ASAH2: variants seen among roughly 807,000 people sequenced by gnomAD.
ASAH2 encodes N-acylsphingosine amidohydrolase 2, also known as neutral ceramidase.
In ASAH2, 58 loss-of-function variants were observed where a neutral mutation model predicts 82.9. The observed-to-expected ratio is 0.70, with a 90% CI of 0.57 to 0.87. ASAH2 has a LOEUF of 0.87. Ranked by LOEUF, ASAH2 falls within the 40% of genes least tolerant of loss-of-function variation. The pLI, the probability that ASAH2 is intolerant of heterozygous loss-of-function variation, is 0.00. For synonymous variants in ASAH2, 276 were observed against 289.7 expected (o/e 0.95, Z 0.48); for missense variants, 779 against 834.0 (o/e 0.93, Z 0.81).
intron 1 of ASAH2, among the ~76,000 whole-genome samples, chr10:50,249,217 G>C (rs188525882): frequency 1.3e-5 from 2 of 152,260 alleles, no homozygotes; most frequent in African/African-American, 4.8e-5. Context: ...ATGGAAAAGG[G>C]AATTAGTACC....
At chr10:50,211,922 A>G (rs1589331933) in intron 10 of ASAH2, among the ~76,000 whole-genome samples, 2 of 152,152 alleles carry the variant, frequency 1.3e-5, no homozygotes, top group East Asian at 3.9e-4. Flanking sequence ...AGAATGCAGA[A>G]TGTGGGTCAA....
chr10:50,213,576 C>A (rs1348603388), intron 9 of ASAH2, among the ~76,000 whole-genome samples: 2 of 151,976 alleles, frequency 1.3e-5, no homozygotes, highest in Non-Finnish European at 2.9e-5. Flanking sequence ...TAAGTGGAAT[C>A]AAAAAATTAC....
intron 6 of ASAH2, among the ~76,000 whole-genome samples, chr10:50,233,857 G>T (rs988463804): frequency 1.3e-5 from 2 of 151,934 alleles, no homozygotes; most frequent in Non-Finnish European, 2.9e-5. Flanking sequence ...AGACAAAAAG[G>T]CAAAATAATC....
chr10:50,246,264 C>T (rs1434939173), intron 2 of ASAH2, among the ~76,000 whole-genome samples: 1 of 152,080 alleles, frequency 6.6e-6, no homozygotes, highest in African/African-American at 2.4e-5. Flanking sequence ...CCTATTTCAC[C>T]CCAATGTTCT....
At chr10:50,210,442 G>A (rs1374947672) in intron 12 of ASAH2, among the ~76,000 whole-genome samples, 2 of 152,080 alleles carry the variant, frequency 1.3e-5, no homozygotes, top group African/African-American at 4.8e-5. Context: ...GGAGGTTGCA[G>A]TAAGCTGAGA....
At chr10:50,237,290 A>G (rs1164845120) in intron 4 of ASAH2, among the ~76,000 whole-genome samples, 1 of 152,178 alleles carries the variant, frequency 6.6e-6, no homozygotes, top group East Asian at 1.9e-4. Context: ...CCTGTGGAGA[A>G]GCCTAAGTGG....
At chr10:50,250,637 C>T (rs1325596561) in intron 1 of ASAH2, among the ~76,000 whole-genome samples, 1 of 152,194 alleles carries the variant, frequency 6.6e-6, no homozygotes, top group East Asian at 1.9e-4. Context: ...GTTCTCTAAG[C>T]CTTCCTACTA....
rs918587278 is a variant in ASAH2, at chr10:50,220,276, T to G, written c.894-1646A>C. On this transcript the variant is annotated intron_variant, in intron 7 of 20. Coordinates refer to ENST00000682911, the MANE Select transcript of ASAH2 (RefSeq NM_019893.4). Reference sequence around the variant, plus strand: ...TTTTAAAGTCTTTATCTGATGAAGATAAATACTGAAATATTTATGAGTGAA... The same window carrying G: ...TTTTAAAGTCTTTATCTGATGAAGAGAAATACTGAAATATTTATGAGTGAA... Among the ~76,000 whole-genome samples the G allele has an allele frequency of 3.8e-3, 574 of 152,312 alleles. 4 individuals carry two copies. Among genetic ancestry groups the G allele is most frequent in the African/African-American group, 0.013 (532 of 41,564 alleles).
chr10:50,249,688 T>A (rs2133238365), intron 1 of ASAH2, among the ~76,000 whole-genome samples: 1 of 152,360 alleles, frequency 6.6e-6, no homozygotes. Context: ...CTTCTTTTGT[T>A]CAATAAATGC....
intron 5 of ASAH2, among the ~76,000 whole-genome samples, chr10:50,235,278 A>G (rs1350075808): frequency 6.6e-6 from 1 of 152,118 alleles, no homozygotes; most frequent in Non-Finnish European, 1.5e-5. Context: ...GAAAAAATAG[A>G]GAATAAGCCT....
chr10:50,239,686 A>G (rs1214005908), intron 4 of ASAH2, among the ~76,000 whole-genome samples: 6 of 152,144 alleles, frequency 3.9e-5, no homozygotes, highest in African/African-American at 1.4e-4. Flanking sequence ...AAATGACATA[A>G]TAATAATACC....
At chr10:50,213,622 G>A (rs1845519694) in intron 9 of ASAH2, among the ~76,000 whole-genome samples, 1 of 152,138 alleles carries the variant, frequency 6.6e-6, no homozygotes, top group South Asian at 2.1e-4. Flanking sequence ...TTTGTAGTAT[G>A]AGGGTGTGGG....
At chr10:50,209,714 TA>T (rs1224080253) in intron 12 of ASAH2, among the ~76,000 whole-genome samples, 3 of 152,092 alleles carry the variant, frequency 2.0e-5, no homozygotes, top group Non-Finnish European at 4.4e-5. Context: ...ACCCAAATTT[TA>T]AAAGGAGAAA....
chr10:50,202,989 A>C lies in ASAH2; in HGVS notation c.1666-65T>G, dbSNP rs1398033590. The C allele has an allele frequency of 2.8e-6, 3 of 1,085,730 alleles. No homozygotes were observed. In the African/African-American group the frequency reaches 4.6e-5, roughly 17 times the overall value. The allele number at this position is 1,085,730 out of a possible 1,614,324, so 67.3% of individuals were successfully genotyped here. A position where few individuals can be genotyped will look rare whatever the true frequency, so the allele number is the denominator to read the frequency against. The stretch of plus-strand genomic sequence containing the variant: ...TCTTTACGTATATTTTCATTCTGTT[A>C]TCCTTAACACACAAGCATTGATTAC... On this transcript the variant is annotated intron_variant, in intron 15 of 20. Transcript: ENST00000682911.
At chr10:50,249,296 C>T (rs1846554924) in intron 1 of ASAH2, among the ~76,000 whole-genome samples, 1 of 152,162 alleles carries the variant, frequency 6.6e-6, no homozygotes, top group Non-Finnish European at 1.5e-5. Context: ...AAACACTTTG[C>T]AAACCCTGTA....
chr10:50,249,742 G>C (rs1367645617), intron 1 of ASAH2, among the ~76,000 whole-genome samples: 1 of 152,152 alleles, frequency 6.6e-6, no homozygotes, highest in African/African-American at 2.4e-5. Flanking sequence ...GTAGCAAAGA[G>C]TCTGTGCTCT....
Position 50,233,260 on chromosome 10 carries a change from ACCTAG to A in ASAH2, c.816-4_816del, listed in dbSNP as rs1381613700. 5.0e-6 allele frequency: 8 copies of A among 1,603,642 alleles called. No homozygotes were observed. The highest frequency in any genetic ancestry group is 4.0e-5 in the African/African-American group (3 of 74,684). The stretch of plus-strand genomic sequence containing the variant: ...ATTTCCTTGTCTGTATTTGAAGAAT[ACCTAG>A]TCAGTAAAACAGAAAAGCACAGTCA... On this transcript the variant is annotated splice_acceptor_variant and splice_polypyrimidine_tract_variant and coding_sequence_variant and intron_variant, in exon 7 of 21. Transcript: ENST00000682911. LOFTEE classifies it high-confidence loss of function.
chr10:50,229,941 C>T (rs1367194367), intron 7 of ASAH2, among the ~76,000 whole-genome samples: 2 of 152,138 alleles, frequency 1.3e-5, no homozygotes, highest in African/African-American at 4.8e-5. Context: ...CTTCTGTCTC[C>T]CTCAGTAGAC....
intron 12 of ASAH2, among the ~76,000 whole-genome samples, chr10:50,208,313 C>G (rs988009994): frequency 1.9e-4 from 28 of 151,258 alleles, no homozygotes; most frequent in African/African-American, 5.6e-4. Flanking sequence ...GGCAATTAGG[C>G]AAGAAAAAGA....
Sources: allele counts gnomAD v4.1 joint callset (sites outside exome capture counted in the v4.1 genomes callset), GRCh38; gene constraint gnomAD v4.1.1; transcripts MANE v1.5; gene names NCBI Gene and HGNC (gene_info 2026-07-23, HGNC 2026-07-21).